CTSE: variants seen among roughly 807,000 people sequenced by gnomAD.
The protein encoded by CTSE is erythrocyte membrane aspartic proteinase.
In CTSE, 43 loss-of-function variants were observed where a neutral mutation model predicts 42.8. The observed-to-expected ratio is 1.01, with a 90% confidence interval of 0.79 to 1.30. The LOEUF (loss-of-function observed/expected upper bound fraction) is 1.30. Among genes scored for constraint, CTSE ranks in the 50% most tolerant of loss-of-function variants. The pLI, the probability that CTSE is intolerant of heterozygous loss-of-function variation, is 0.00. For missense variants in CTSE, 532 were observed against 493.5 expected, an observed-to-expected ratio of 1.08 and a Z score of -0.74; for synonymous variants, 205 against 191.5, an observed-to-expected ratio of 1.07 and a Z score of -0.58.
At chr1:206,019,554 C>T (rs1163615404) in intron 4 of CTSE, among the ~76,000 whole-genome samples, 2 of 151,828 alleles carry the variant, frequency 1.3e-5, no homozygotes, top group Non-Finnish European at 1.5e-5. Context: ...CCAACAGATA[C>T]GTGACAAGCT....
At chr1:206,022,099 C>G (rs2102278631) in intron 3 of CTSE, 51 bp downstream of exon 3, 1 of 1,341,742 alleles carries the variant, frequency 7.5e-7, no homozygotes. Context: ...GGCTTGGCCT[C>G]CCAGGACTAG....
Position 206,023,853 on chromosome 1 carries a change from G to C in CTSE, c.-62C>G, listed in dbSNP as rs375297617. 546 of 1,554,566 alleles carry C rather than the reference G, an allele frequency of 3.5e-4. No individual in the cohort carries two copies. Among genetic ancestry groups the C allele is most frequent in the Non-Finnish European group, 4.5e-4 (504 of 1,128,886 alleles). On this transcript the variant is annotated 5_prime_UTR_variant, in exon 1 of 9. Transcript: ENST00000358184. The stretch of plus-strand genomic sequence containing the variant: ...CTTTCTTCTCTCCCCGAGGGCAGTG[G>C]GAACGGACTTTCCCTAACTCTCAGA...
At position 206,022,190 on chromosome 1, in the gene CTSE, G is replaced by C; in HGVS notation, c.303C>G (p.Asn101Lys). 6.2e-7 allele frequency: 1 copy of C among 1,612,910 alleles called. No homozygotes were observed. Among genetic ancestry groups the C allele is most frequent in the Non-Finnish European group, 8.5e-7 (1 of 1,179,156 alleles). Residue 101 changes from asparagine to lysine, a missense_variant, in exon 3 of 9, where the codon AAC becomes AAG. Coordinates refer to ENST00000358184, the MANE Select transcript of CTSE (RefSeq NM_001910.4). ...FTVIFDTGSS[N>K]LWVPSVYCTS... ...TGCAGTACACAGAGGGGACCCAGAG[G>C]TTGGAGGAGCCAGTGTCGAAGATGA... is the stretch of plus-strand genomic sequence containing the variant.
Position 206,016,116 on chromosome 1 carries a change from G to A in CTSE, c.477C>T (p.Thr159=), listed in dbSNP as rs781823093. 34 of 1,613,770 alleles carry A rather than the reference G, an allele frequency of 2.1e-5. No individual in the cohort carries two copies. The Middle Eastern group carries it at 5.0e-4, about 24-fold the overall frequency. Residue 159 remains threonine, a synonymous_variant, in exon 5 of 9, where the codon ACC becomes ACT. Coordinates refer to ENST00000358184, the MANE Select transcript of CTSE (RefSeq NM_001910.4). ...TTTCTCCAAACTGCTGGCCAACCAC[G>A]GTTAGTCCTTCCACCTGGTAGGAGA... ...GADQVSVEGL[T]VVGQQFGESV... is the part of the protein sequence containing the mutation.
intron 4 of CTSE, among the ~76,000 whole-genome samples, chr1:206,017,718 C>T (rs1346591032): frequency 6.6e-5 from 10 of 151,974 alleles, no homozygotes; most frequent in African/African-American, 2.4e-4. Context: ...ACCTCATGAT[C>T]CACCTGCCTC....
chr1:206,015,857 T>G lies in CTSE; in HGVS notation c.662+74A>C, dbSNP rs1661245157. The G allele has an allele frequency of 1.0e-5, 14 of 1,397,396 alleles. No individual in the cohort carries two copies. In the South Asian group the frequency reaches 1.8e-4, roughly 18 times the overall value. 86.6% of individuals were successfully genotyped at this position (1,397,396 alleles called of 1,614,324 possible). A position where few individuals can be genotyped will look rare whatever the true frequency, so the allele number is the denominator to read the frequency against. ...AGCTACCTAAACCAGGTCTTTTGAC[T>G]GCTAAGTCAAGTGTATGTGTTGTCT... On this transcript the variant is annotated intron_variant, in intron 5 of 8. Coordinates refer to ENST00000358184, the MANE Select transcript of CTSE (RefSeq NM_001910.4).
At chr1:206,010,753 G>T (rs1388299408) in intron 8 of CTSE, among the ~76,000 whole-genome samples, 2 of 152,072 alleles carry the variant, frequency 1.3e-5, no homozygotes, top group Non-Finnish European at 2.9e-5. Flanking sequence ...CTTAGTTTTT[G>T]TTAAGGGAGA....
chr1:206,009,825 T>G lies in CTSE; in HGVS notation c.*358A>C, dbSNP rs1553276642. 2 of 275,966 alleles carry G rather than the reference T, an allele frequency of 7.2e-6. No individual in the cohort carries two copies. The highest frequency in any genetic ancestry group is 4.8e-5 in the Admixed American group (1 of 20,936). 17.1% of individuals were successfully genotyped at this position (275,966 alleles called of 1,614,324 possible). Reference sequence around the variant, plus strand: ...GTGTGGATGGGTTGTCAGGGCTGAGTGGAGTTGCAAAGGGATTTATTATAC... The same window carrying G: ...GTGTGGATGGGTTGTCAGGGCTGAGGGGAGTTGCAAAGGGATTTATTATAC... On this transcript the variant is annotated 3_prime_UTR_variant, in exon 9 of 9. Coordinates refer to ENST00000358184, the MANE Select transcript of CTSE (RefSeq NM_001910.4).
chr1:206,023,617 G>A, intron 1 of CTSE, 107 bp downstream of exon 1: 1 of 1,058,934 alleles, frequency 9.4e-7, no homozygotes, highest in East Asian at 2.4e-5. Context: ...CAAGCCCTCA[G>A]CTTCTCCTCC....
chr1:206,017,342 T>C (rs1186318631), intron 4 of CTSE, among the ~76,000 whole-genome samples: 3 of 152,076 alleles, frequency 2.0e-5, no homozygotes, highest in African/African-American at 4.8e-5. Context: ...AAAATGCTCA[T>C]TGGAGCATTA....
rs1300884456 is a variant in CTSE at position 206,021,044 on chromosome 1, C to T, written c.462+5G>A. The T allele has an allele frequency of 1.3e-6, 2 of 1,591,032 alleles. No homozygotes were observed. Among genetic ancestry groups the T allele is most frequent in the Non-Finnish European group, 1.7e-6 (2 of 1,158,948 alleles). On this transcript the variant is annotated splice_donor_5th_base_variant and intron_variant, in intron 4 of 8. Transcript: ENST00000358184. ...AGAGAGAAAAAATGAAGGACTTGCA[C>T]TCACAGAGACTTGGTCGGCTCCAAT...
chr1:206,015,839 T>C, intron 5 of CTSE, 92 bp downstream of exon 5: 1 of 1,173,418 alleles, frequency 8.5e-7, no homozygotes, highest in South Asian at 1.4e-5. Flanking sequence ...CCAAGCTACC[T>C]AAACCAGGTC....
chr1:206,012,978 G>C (rs1185212013), intron 6 of CTSE, among the ~76,000 whole-genome samples: 1 of 152,028 alleles, frequency 6.6e-6, no homozygotes, highest in East Asian at 1.9e-4. Context: ...ACAGGTGTGA[G>C]CCACCACACC....
intron 3 of CTSE, among the ~76,000 whole-genome samples, chr1:206,021,684 A>G (rs1661429254): frequency 6.6e-6 from 1 of 151,866 alleles, no homozygotes; most frequent in Admixed American, 6.6e-5. Flanking sequence ...CTCTGGACAA[A>G]TGGACCCACC....
chr1:206,015,860 T>C (rs2102271042), intron 5 of CTSE, 71 bp downstream of exon 5: 1 of 1,420,250 alleles, frequency 7.0e-7, no homozygotes, highest in East Asian at 2.3e-5. Context: ...TTTTGACTGC[T>C]AAGTCAAGTG....
chr1:206,011,018 T>C (rs1661080171), intron 8 of CTSE, among the ~76,000 whole-genome samples: 1 of 152,022 alleles, frequency 6.6e-6, no homozygotes, highest in South Asian at 2.1e-4. Context: ...GGGAGACTTC[T>C]TGAGAGGAAG....
intron 3 of CTSE, chr1:206,021,433 G>A: frequency 2.5e-6 from 1 of 392,344 alleles, no homozygotes; most frequent in South Asian, 4.6e-5. Flanking sequence ...CAAGATAAGT[G>A]TCATTTATCA....
intron 8 of CTSE, 141 bp downstream of exon 8, chr1:206,012,167 A>C: frequency 1.5e-6 from 1 of 671,874 alleles, no homozygotes; most frequent in Non-Finnish European, 2.5e-6. Context: ...TGTCCCTCCC[A>C]GAGGGAATGC....
chr1:206,023,387 A>T (rs1440393910), intron 1 of CTSE, among the ~76,000 whole-genome samples: 1 of 150,732 alleles, frequency 6.6e-6, no homozygotes, highest in Non-Finnish European at 1.5e-5. Context: ...GGACAGAAAA[A>T]CTCTTGGGGA....
Sources: gnomAD v4.1 joint callset for allele counts (sites outside exome capture counted in the v4.1 genomes callset) on GRCh38, gnomAD v4.1.1 for gene constraint, MANE v1.5 for transcripts, NCBI Gene and HGNC (gene_info 2026-07-23, HGNC 2026-07-21) for gene names.